PDLIM5: variants seen among roughly 807,000 people sequenced by gnomAD.
The protein encoded by PDLIM5 is PDZ and LIM domain 5, also known as PDZ and LIM domain protein 5.
PDLIM5 carries 34 observed loss-of-function variants against 64.2 expected under a neutral mutation model. That is an observed-to-expected ratio of 0.53 (90% CI 0.40 to 0.71). PDLIM5 has a LOEUF of 0.71. Ranked by LOEUF, PDLIM5 falls within the 30% of genes least tolerant of loss-of-function variation. The pLI is 0.00. For missense variants in PDLIM5, 683 were observed against 733.6 expected, an observed-to-expected ratio of 0.93 and a Z score of 0.80; for synonymous variants, 253 against 269.1, an observed-to-expected ratio of 0.94 and a Z score of 0.59.
chr4:94,506,226 T>G (rs1273668050), intron 2 of PDLIM5, among the ~76,000 whole-genome samples: 4 of 152,258 alleles, frequency 2.6e-5, no homozygotes, highest in Admixed American at 1.3e-4. Flanking sequence ...CGCCATCATA[T>G]TTAAAGTAAT....
chr4:94,540,804 A>G (rs1359194688), intron 3 of PDLIM5, among the ~76,000 whole-genome samples: 2 of 152,202 alleles, frequency 1.3e-5, no homozygotes, highest in Admixed American at 6.5e-5. Flanking sequence ...CCCATTAGCA[A>G]CACAAATATA....
intron 2 of PDLIM5, among the ~76,000 whole-genome samples, chr4:94,494,016 G>A (rs1047831397): frequency 4.0e-5 from 6 of 151,738 alleles, no homozygotes; most frequent in African/African-American, 1.5e-4. Context: ...CTGGAGTGCA[G>A]TGGTGTAATT....
At chr4:94,497,693 A>G (rs1223049201) in intron 2 of PDLIM5, among the ~76,000 whole-genome samples, 1 of 152,200 alleles carries the variant, frequency 6.6e-6, no homozygotes, top group Admixed American at 6.5e-5. Flanking sequence ...ACAGAATGAA[A>G]CAGCTTCATT....
rs1743016804 is a variant in PDLIM5 at position 94,665,288 on chromosome 4, C to G, written c.*1221C>G. 1 of 283,402 alleles carries G rather than the reference C, an allele frequency of 3.5e-6. No individual in the cohort carries two copies. Among genetic ancestry groups the G allele is most frequent in the African/African-American group, 2.3e-5 (1 of 43,840 alleles). The allele number at this position is 283,402 out of a possible 1,614,324, so 17.6% of individuals were successfully genotyped here. A position where few individuals can be genotyped will look rare whatever the true frequency, so the allele number is the denominator to read the frequency against. On this transcript the variant is annotated 3_prime_UTR_variant, in exon 13 of 13. Transcript: ENST00000317968. The stretch of plus-strand genomic sequence containing the variant: ...CATGAGGTCAAGAGATCAAGATCAT[C>G]CTGGCCAACATGGTGAAACCCTGTC...
chr4:94,606,026 C>G (rs986478879), intron 7 of PDLIM5, among the ~76,000 whole-genome samples: 1 of 151,922 alleles, frequency 6.6e-6, no homozygotes, highest in Admixed American at 6.6e-5. Flanking sequence ...CATGTGTCCA[C>G]TTAGGCAAAA....
At chr4:94,585,504 A>G in intron 5 of PDLIM5, 61 bp from the exon 6 acceptor site, 2 of 931,414 alleles carry the variant, frequency 2.1e-6, no homozygotes, top group East Asian at 2.8e-5. Context: ...TTAGTAGAAG[A>G]TATTTTATCC....
chr4:94,553,170 G>A (rs370010844), intron 3 of PDLIM5, among the ~76,000 whole-genome samples: 7 of 152,020 alleles, frequency 4.6e-5, no homozygotes, highest in Non-Finnish European at 1.0e-4. Flanking sequence ...TGATGCCCAG[G>A]CTGGAGTGCA....
In PDLIM5 at chr4:94,665,734, A is replaced by T; in HGVS notation, c.*1667A>T. On this transcript the variant is annotated 3_prime_UTR_variant, in exon 13 of 13. Coordinates refer to ENST00000317968, the MANE Select transcript of PDLIM5 (RefSeq NM_006457.5). Reference sequence around the variant, plus strand: ...TAAAAATTAAAAGATTGGTTTGAGGATGTGATGAAATTGAGACTTTTTGTG... The same window carrying T: ...TAAAAATTAAAAGATTGGTTTGAGGTTGTGATGAAATTGAGACTTTTTGTG... 8.3e-7 allele frequency: 1 copy of T among 1,206,668 alleles called. No homozygotes were observed. Among genetic ancestry groups the T allele is most frequent in the African/African-American group, 1.6e-5 (1 of 63,814 alleles). The allele number at this position is 1,206,668 out of a possible 1,614,324, so 74.7% of individuals were successfully genotyped here.
At chr4:94,463,697 G>A (rs557006207) in intron 2 of PDLIM5, among the ~76,000 whole-genome samples, 9 of 152,162 alleles carry the variant, frequency 5.9e-5, no homozygotes, top group South Asian at 4.1e-4. Context: ...AAGTAGACCC[G>A]TGCAGTTCAA....
At chr4:94,576,060 C>T (rs776106116) in intron 5 of PDLIM5, 26 bp downstream of exon 5, 2 of 1,559,676 alleles carry the variant, frequency 1.3e-6, no homozygotes, top group Non-Finnish European at 1.8e-6. Context: ...GCTTTCTGCT[C>T]TTACTAAAAC....
intron 3 of PDLIM5, among the ~76,000 whole-genome samples, chr4:94,534,676 A>G (rs569752206): frequency 6.6e-6 from 1 of 152,358 alleles, no homozygotes; most frequent in South Asian, 2.1e-4. Flanking sequence ...CATAATAAGG[A>G]TAAGTTTTCT....
rs757991343 is a variant in PDLIM5 at position 94,664,097 on chromosome 4, T to A, written c.*30T>A. 1 of 1,493,160 alleles carries A rather than the reference T, an allele frequency of 6.7e-7. No homozygotes were observed. The highest frequency in any genetic ancestry group is 1.4e-5 in the South Asian group (1 of 72,454). The allele number at this position is 1,493,160 out of a possible 1,614,324, so 92.5% of individuals were successfully genotyped here. ...CAACAGTTCAGGAGAAGAGAAGGAA[T>A]TTGAAGAGAAAAAGGAAAATTAAAA... is the stretch of plus-strand genomic sequence containing the variant. On this transcript the variant is annotated 3_prime_UTR_variant, in exon 13 of 13. Transcript: ENST00000317968.
At chr4:94,645,754 T>TTC (rs1741364422) in intron 9 of PDLIM5, among the ~76,000 whole-genome samples, 1 of 152,210 alleles carries the variant, frequency 6.6e-6, no homozygotes, top group African/African-American at 2.4e-5. Context: ...TCTCTCCGAC[T>TTC]TCAGTCTTTC....
intron 8 of PDLIM5, among the ~76,000 whole-genome samples, chr4:94,638,735 T>A (rs896055086): frequency 1.3e-5 from 2 of 152,268 alleles, no homozygotes; most frequent in African/African-American, 4.8e-5. Context: ...TCCATTAGAT[T>A]TTAATTGCCT....
chr4:94,621,785 A>G (rs1384724141), intron 8 of PDLIM5, among the ~76,000 whole-genome samples: 2 of 152,252 alleles, frequency 1.3e-5, no homozygotes, highest in Non-Finnish European at 2.9e-5. Context: ...AATGAGTCAC[A>G]TGGTTAGTGT....
At chr4:94,612,213 G>C (rs1738425571) in intron 7 of PDLIM5, among the ~76,000 whole-genome samples, 1 of 152,046 alleles carries the variant, frequency 6.6e-6, no homozygotes, top group African/African-American at 2.4e-5. Context: ...GCAAGACTCT[G>C]TCTCAAAAAA....
intron 2 of PDLIM5, among the ~76,000 whole-genome samples, chr4:94,488,525 G>A (rs1345937946): frequency 6.6e-6 from 1 of 152,118 alleles, no homozygotes; most frequent in East Asian, 1.9e-4. Context: ...AAAACAATGA[G>A]TGTCACTTCT....
intron 2 of PDLIM5, among the ~76,000 whole-genome samples, chr4:94,496,243 TAAAA>T (rs970723872): frequency 1.3e-5 from 2 of 152,160 alleles, no homozygotes; most frequent in Admixed American, 6.5e-5. Context: ...ATTTTGTAGG[TAAAA>T]AAATAATTTT....
chr4:94,603,696 C>T lies in PDLIM5; in HGVS notation c.921-14308C>T, dbSNP rs551027346. Among the ~76,000 whole-genome samples, 9 of 152,244 alleles carry T rather than the reference C, an allele frequency of 5.9e-5. No homozygotes were observed. The East Asian group carries it at 7.7e-4, about 13-fold the overall frequency. ...CCGTGTATGTGTGTGCGCACGCGCG[C>T]GTGTGTGAGTGTGCTGGGACTTTTT... On this transcript the variant is annotated intron_variant, in intron 7 of 12. Coordinates refer to ENST00000317968, the MANE Select transcript of PDLIM5 (RefSeq NM_006457.5).
Sources: allele counts gnomAD v4.1 joint callset (sites outside exome capture counted in the v4.1 genomes callset), GRCh38; gene constraint gnomAD v4.1.1; transcripts MANE v1.5; gene names NCBI Gene and HGNC (gene_info 2026-07-23, HGNC 2026-07-21).